The following ENTREP2 variants were observed in gnomAD, a reference collection of about 807,000 sequenced individuals.
ENTREP2 encodes the protein protein ENTREP2.
chr15:29,155,916 G>A, the ENTREP2 span, among the ~76,000 whole-genome samples: 1 of 152,136 alleles, frequency 6.6e-6, no homozygotes. Context: ...GTTTTCTAAT[G>A]TTTGTAGCAG....
the ENTREP2 span, among the ~76,000 whole-genome samples, chr15:29,292,659 G>A: frequency 6.6e-6 from 1 of 152,186 alleles, no homozygotes; most frequent in East Asian, 1.9e-4. Flanking sequence ...GGGATTACAA[G>A]CATGAGCCAC....
At chr15:29,306,663 A>ATT in the ENTREP2 span, among the ~76,000 whole-genome samples, 1 of 93,494 alleles carries the variant, frequency 1.1e-5, no homozygotes, top group African/African-American at 3.1e-5. Flanking sequence ...AATAATTGGT[A>ATT]ATTTTTTTTT....
At chr15:29,493,956 A>ATT in the ENTREP2 span, among the ~76,000 whole-genome samples, 1 of 152,264 alleles carries the variant, frequency 6.6e-6, no homozygotes, top group East Asian at 1.9e-4. Flanking sequence ...CAGCCTGGCC[A>ATT]ATAGAGTGAG....
the ENTREP2 span, among the ~76,000 whole-genome samples, chr15:29,226,135 C>T: frequency 2.6e-5 from 4 of 152,206 alleles, no homozygotes; most frequent in African/African-American, 7.2e-5. Context: ...GGACACGGGG[C>T]GCTCCCTCTG....
At chr15:29,622,968 G>A in the ENTREP2 span, among the ~76,000 whole-genome samples, 1 of 152,102 alleles carries the variant, frequency 6.6e-6, no homozygotes, top group South Asian at 2.1e-4. Context: ...GACCATCTGC[G>A]AACACTTCCA....
chr15:29,556,344 G>A, the ENTREP2 span, among the ~76,000 whole-genome samples: 9 of 152,222 alleles, frequency 5.9e-5, no homozygotes, highest in East Asian at 7.8e-4. Flanking sequence ...AGTGCAGTAC[G>A]GTTTGGAAAC....
At chr15:29,239,159 A>G in the ENTREP2 span, among the ~76,000 whole-genome samples, 55 of 152,288 alleles carry the variant, frequency 3.6e-4, no homozygotes, top group South Asian at 0.011. Context: ...TCCTTTCCAC[A>G]TCCCTCAGGT....
At chr15:29,130,329 C>G in the ENTREP2 span, among the ~76,000 whole-genome samples, 1 of 152,208 alleles carries the variant, frequency 6.6e-6, no homozygotes, top group African/African-American at 2.4e-5. Context: ...TCAGCACCCA[C>G]CTGCTTTTTC....
the ENTREP2 span, among the ~76,000 whole-genome samples, chr15:29,623,720 G>GA: frequency 6.6e-6 from 1 of 152,036 alleles, no homozygotes; most frequent in African/African-American, 2.4e-5. Flanking sequence ...GATAATAGGA[G>GA]AAAAAAAGTC....
the ENTREP2 span, among the ~76,000 whole-genome samples, chr15:29,127,152 C>T: frequency 1.3e-5 from 2 of 152,214 alleles, no homozygotes; most frequent in Non-Finnish European, 2.9e-5. Context: ...AACTGCTGGT[C>T]TGGACCGGGA....
the ENTREP2 span, among the ~76,000 whole-genome samples, chr15:29,373,210 G>C: frequency 6.6e-6 from 1 of 151,872 alleles, no homozygotes; most frequent in Admixed American, 6.6e-5. Flanking sequence ...AATGAGGAGA[G>C]GTCCCCTCCA....
chr15:29,644,935 A>G, the ENTREP2 span, among the ~76,000 whole-genome samples: 1 of 152,104 alleles, frequency 6.6e-6, no homozygotes, highest in East Asian at 1.9e-4. Flanking sequence ...TCAGCCAGGC[A>G]TGGTAGCTCA....
At chr15:29,365,399 C>A in the ENTREP2 span, among the ~76,000 whole-genome samples, 3 of 151,904 alleles carry the variant, frequency 2.0e-5, no homozygotes, top group Admixed American at 1.3e-4. Flanking sequence ...ATTACAGGTG[C>A]CCGCCACCAT....
the ENTREP2 span, among the ~76,000 whole-genome samples, chr15:29,548,548 A>G: frequency 6.6e-6 from 1 of 152,232 alleles, no homozygotes; most frequent in Non-Finnish European, 1.5e-5. Flanking sequence ...ACTGAAATAT[A>G]CTGAAAAATA....
At chr15:29,669,092 G>A in the ENTREP2 span, among the ~76,000 whole-genome samples, 3 of 152,196 alleles carry the variant, frequency 2.0e-5, no homozygotes, top group Non-Finnish European at 4.4e-5. Context: ...TGTAATCTCA[G>A]CTACTTGGGA....
the ENTREP2 span, among the ~76,000 whole-genome samples, chr15:29,555,045 A>G: frequency 1.3e-5 from 2 of 152,246 alleles, no homozygotes; most frequent in Non-Finnish European, 2.9e-5. Context: ...TCCACTGACA[A>G]ACAGCTACAT....
chr15:29,489,966 G>A, the ENTREP2 span, among the ~76,000 whole-genome samples: 26 of 152,332 alleles, frequency 1.7e-4, no homozygotes, highest in African/African-American at 5.8e-4. Flanking sequence ...CTTCTGAAAT[G>A]AAACTGTCTC....
At chr15:29,459,705 C>T in the ENTREP2 span, among the ~76,000 whole-genome samples, 1 of 152,138 alleles carries the variant, frequency 6.6e-6, no homozygotes, top group East Asian at 1.9e-4. Context: ...CCTGTGAGCC[C>T]CACATGCAGC....
chr15:29,541,598 C>T, the ENTREP2 span, among the ~76,000 whole-genome samples: 1 of 152,014 alleles, frequency 6.6e-6, no homozygotes, highest in Non-Finnish European at 1.5e-5. Flanking sequence ...ACTGGGACCT[C>T]GGAGTCAGCT....
Sources: gnomAD v4.1 joint callset for allele counts (sites outside exome capture counted in the v4.1 genomes callset) on GRCh38, gnomAD v4.1.1 for gene constraint, MANE v1.5 for transcripts, NCBI Gene and HGNC (gene_info 2026-07-23, HGNC 2026-07-21) for gene names.